BMPR2: variants seen among roughly 807,000 people sequenced by gnomAD.
The protein encoded by BMPR2 is bone morphogenetic protein receptor type-2.
BMPR2 carries 29 observed loss-of-function variants against 100.8 expected under a neutral mutation model. The ratio of observed to expected loss-of-function variants is 0.29; its 90% CI spans 0.21 to 0.39. The LOEUF is 0.39. Among genes scored for constraint, BMPR2 ranks in the 10% least tolerant of loss-of-function variants. The pLI is 1.00. For missense variants in BMPR2, 1,011 were observed against 1,274.5 expected, an observed-to-expected ratio of 0.79 and a Z score of 3.15; for synonymous variants, 382 against 442.3, an observed-to-expected ratio of 0.86 and a Z score of 1.71.
chr2:202,430,310 G>T (rs1234488201), intron 1 of BMPR2, among the ~76,000 whole-genome samples: 2 of 152,138 alleles, frequency 1.3e-5, no homozygotes, highest in African/African-American at 4.8e-5. Context: ...TGCAGTATTT[G>T]TTGAAAGAAG....
intron 1 of BMPR2, among the ~76,000 whole-genome samples, chr2:202,438,572 G>A (rs1337740115): frequency 1.3e-5 from 2 of 150,490 alleles, no homozygotes. Context: ...GTTTTATTCT[G>A]AGATATTTAT....
Position 202,565,611 on chromosome 2 carries a change from A to G in BMPR2, c.*5665A>G, listed in dbSNP as rs1301919316. The G allele has an allele frequency of 1.3e-5, 2 of 152,614 alleles. No homozygotes were observed. The highest frequency in any genetic ancestry group is 2.9e-5 in the Non-Finnish European group (2 of 68,022). The allele number at this position is 152,614 out of a possible 1,614,324, so 9.5% of individuals were successfully genotyped here. A position where few individuals can be genotyped will look rare whatever the true frequency, so the allele number is the denominator to read the frequency against. The stretch of plus-strand genomic sequence containing the variant: ...TTTTGCCATTAAAATTTTTTAACAT[A>G]TTGCAGCAAGCTTAGTTTTATGATT... On this transcript the variant is annotated 3_prime_UTR_variant, in exon 13 of 13. Transcript: ENST00000374580.
chr2:202,445,523 G>T (rs1299487859), intron 1 of BMPR2, among the ~76,000 whole-genome samples: 2 of 149,894 alleles, frequency 1.3e-5, no homozygotes, highest in African/African-American at 5.1e-5. Context: ...CACTGCACCT[G>T]GCCTATTTTT....
chr2:202,390,044 C>G (rs566435818), intron 1 of BMPR2, among the ~76,000 whole-genome samples: 5 of 150,698 alleles, frequency 3.3e-5, no homozygotes, highest in Non-Finnish European at 7.4e-5. Context: ...ATCCCATTTC[C>G]TGGATGTAAC....
rs1356318978 is a variant in BMPR2, at chr2:202,519,159, C to G, written c.852+107C>G. On this transcript the variant is annotated intron_variant, in intron 6 of 12. Coordinates refer to ENST00000374580, the MANE Select transcript of BMPR2 (RefSeq NM_001204.7). ...GGTGGATCACTTGAGGCCAAGAGTT[C>G]AGGACCAGCCTCGCCAACATGGCAA... is the stretch of plus-strand genomic sequence containing the variant. The G allele has an allele frequency of 7.8e-6, 9 of 1,157,872 alleles. No homozygotes were observed. The African/African-American group carries it at 1.4e-4, about 18-fold the overall frequency. 71.7% of individuals were successfully genotyped at this position (1,157,872 alleles called of 1,614,324 possible).
chr2:202,508,986 A>G (rs113135176), intron 3 of BMPR2, among the ~76,000 whole-genome samples: 7 of 152,240 alleles, frequency 4.6e-5, no homozygotes, highest in African/African-American at 1.2e-4. Flanking sequence ...GACAAATTTG[A>G]AAAGATATTC....
intron 1 of BMPR2, among the ~76,000 whole-genome samples, chr2:202,456,650 G>T (rs1692114655): frequency 6.6e-6 from 1 of 151,798 alleles, no homozygotes; most frequent in African/African-American, 2.4e-5. Context: ...AAGTAGCTGG[G>T]ACTATAGGCG....
intron 3 of BMPR2, among the ~76,000 whole-genome samples, chr2:202,482,471 T>G (rs574457999): frequency 1.3e-5 from 2 of 152,208 alleles, no homozygotes; most frequent in Non-Finnish European, 2.9e-5. Context: ...ACTCCTGGGC[T>G]CAAATGATCC....
Position 202,555,427 on chromosome 2 carries a change from A to C in BMPR2, c.1762A>C (p.Asn588His), listed in dbSNP as rs1223464463. ...AGGGGAAAAAAACCGAAATTCAATTAACTATGAACGACAGCAAGCACAAGC... is the reference window on the plus strand; with the variant it reads ...AGGGGAAAAAAACCGAAATTCAATTCACTATGAACGACAGCAAGCACAAGC... ...TIGEKNRNSI[N>H]YERQQAQARI... is the part of the protein sequence containing the mutation. Residue 588 changes from asparagine to histidine, a missense_variant, in exon 12 of 13, where the codon AAC becomes CAC. By Grantham distance (68) the Asn-to-His change is moderately conservative (BLOSUM62 1). This residue lies in a region of BMPR2 where 508 missense variants were observed against 552.0 expected (regional missense o/e 0.92). Coordinates refer to ENST00000374580, the MANE Select transcript of BMPR2 (RefSeq NM_001204.7). The C allele has an allele frequency of 6.2e-7, 1 of 1,614,240 alleles. No individual in the cohort carries two copies. The highest frequency in any genetic ancestry group is 8.5e-7 in the Non-Finnish European group (1 of 1,180,040).
intron 9 of BMPR2, among the ~76,000 whole-genome samples, chr2:202,540,956 G>C (rs1357075487): frequency 6.6e-6 from 1 of 151,780 alleles, no homozygotes; most frequent in Non-Finnish European, 1.5e-5. Context: ...ATTGAGTGTT[G>C]GTCCCAGGGG....
Position 202,407,109 on chromosome 2 carries a change from A to AT in BMPR2, c.76+29571dup, listed in dbSNP as rs34304623. Among the ~76,000 whole-genome samples, 607 of 141,926 alleles carry AT rather than the reference A, an allele frequency of 4.3e-3. 4 individuals are homozygous for AT. The highest frequency in any genetic ancestry group is 9.6e-3 in the African/African-American group (371 of 38,446). 93.1% of individuals were successfully genotyped at this position (141,926 alleles called of 152,430 possible). On this transcript the variant is annotated intron_variant, in intron 1 of 12. Coordinates refer to ENST00000374580, the MANE Select transcript of BMPR2 (RefSeq NM_001204.7). ...ACTACAGGCATGTGCTAATTTTTGT[A>AT]TTTTTTTTTTTTGAGTAGAGACAGG...
At chr2:202,400,308 AT>A (rs35517349) in intron 1 of BMPR2, among the ~76,000 whole-genome samples, 15,319 of 130,544 alleles carry the variant, frequency 0.12, 783 homozygotes, top group Non-Finnish European at 0.13. Context: ...TGCCAAGCTA[AT>A]TTTTTTTTTT....
chr2:202,463,442 A>G (rs1692260280), intron 1 of BMPR2, among the ~76,000 whole-genome samples: 1 of 152,222 alleles, frequency 6.6e-6, no homozygotes. Context: ...TTTAGTTATT[A>G]GTTTTGTTCA....
At chr2:202,398,826 C>T (rs995462540) in intron 1 of BMPR2, among the ~76,000 whole-genome samples, 1 of 152,128 alleles carries the variant, frequency 6.6e-6, no homozygotes, top group Non-Finnish European at 1.5e-5. Context: ...CACTTATGTA[C>T]TTGTTAAGAA....
rs371447446 is a variant in BMPR2 at position 202,511,340 on chromosome 2, T to C, written c.419-2379T>C. Among the ~76,000 whole-genome samples the C allele has an allele frequency of 1.0e-3, 153 of 152,354 alleles. 5 individuals carry two copies. In the South Asian group the frequency reaches 0.023, roughly 23 times the overall value. ...ATGAACATTTGTGTTGTTTCCACTT[T>C]CGGGTGTTGTAAATAGTGATGCTGT... On this transcript the variant is annotated intron_variant, in intron 3 of 12. Transcript: ENST00000374580.
intron 1 of BMPR2, among the ~76,000 whole-genome samples, chr2:202,422,276 T>C (rs960958067): frequency 6.6e-6 from 1 of 152,048 alleles, no homozygotes; most frequent in Non-Finnish European, 1.5e-5. Flanking sequence ...CTATTTGTCT[T>C]GTAGCTGATT....
chr2:202,562,610 G>A lies in BMPR2; in HGVS notation c.*2664G>A, dbSNP rs1051939773. On this transcript the variant is annotated 3_prime_UTR_variant, in exon 13 of 13. Coordinates refer to ENST00000374580, the MANE Select transcript of BMPR2 (RefSeq NM_001204.7). ...CAAAGTTTTATATGTAGAAAAGTGG[G>A]GTCCTTTTGAATAAAAGATCATTCA... 1 of 152,018 alleles carries A rather than the reference G, an allele frequency of 6.6e-6. No homozygotes were observed. Among genetic ancestry groups the A allele is most frequent in the African/African-American group, 2.4e-5 (1 of 41,364 alleles). The allele number at this position is 152,018 out of a possible 1,614,324, so 9.4% of individuals were successfully genotyped here.
At chr2:202,444,141 T>C (rs1691803575) in intron 1 of BMPR2, among the ~76,000 whole-genome samples, 1 of 150,736 alleles carries the variant, frequency 6.6e-6, no homozygotes, top group Non-Finnish European at 1.5e-5. Flanking sequence ...TTTTATTCTC[T>C]GCTCGCTTTC....
intron 3 of BMPR2, among the ~76,000 whole-genome samples, chr2:202,498,790 T>G (rs1195372930): frequency 1.3e-5 from 2 of 152,164 alleles, no homozygotes; most frequent in Non-Finnish European, 2.9e-5. Flanking sequence ...AATGGCCACC[T>G]GAGGGCAGTA....
Sources: allele counts gnomAD v4.1 joint callset (sites outside exome capture counted in the v4.1 genomes callset), GRCh38; gene constraint gnomAD v4.1.1; regional missense constraint gnomAD v4.1.1; transcripts MANE v1.5; gene names NCBI Gene and HGNC (gene_info 2026-07-23, HGNC 2026-07-21).